The following OPCML variants were observed in gnomAD, a reference collection of about 807,000 sequenced individuals.
The protein encoded by OPCML is opioid binding protein/cell adhesion molecule like, also known as opioid-binding protein/cell adhesion molecule.
In OPCML, 13 loss-of-function variants were observed where a neutral mutation model predicts 37.8. The ratio of observed to expected loss-of-function variants is 0.34; its 90% CI spans 0.22 to 0.55. OPCML has a LOEUF of 0.55. Ranked by LOEUF, OPCML falls within the 20% of genes least tolerant of loss-of-function variation. The pLI is 0.91. For synonymous variants in OPCML, 176 were observed against 168.8 expected (o/e 1.04, Z -0.33); for missense variants, 341 against 435.6 (o/e 0.78, Z 1.93).
chr11:133,051,444 C>G (rs1948129971), intron 1 of OPCML, among the ~76,000 whole-genome samples: 1 of 152,144 alleles, frequency 6.6e-6, no homozygotes, highest in South Asian at 2.1e-4. Context: ...CATTAAAGCA[C>G]CCCTTCCTGT....
chr11:133,059,603 A>G (rs1449912249), intron 1 of OPCML, among the ~76,000 whole-genome samples: 1 of 152,236 alleles, frequency 6.6e-6, no homozygotes, highest in African/African-American at 2.4e-5. Flanking sequence ...TGATTTTATT[A>G]CATTTCAAAT....
At chr11:132,744,891 C>T (rs562638390) in intron 2 of OPCML, among the ~76,000 whole-genome samples, 33 of 152,316 alleles carry the variant, frequency 2.2e-4, no homozygotes, top group African/African-American at 7.2e-4. Flanking sequence ...CGAGCAAGCT[C>T]GAGGAAGTGA....
At chr11:132,517,497 G>A (rs572576863) in intron 4 of OPCML, among the ~76,000 whole-genome samples, 4 of 152,168 alleles carry the variant, frequency 2.6e-5, no homozygotes, top group Non-Finnish European at 5.9e-5. Context: ...CAGTATGTTA[G>A]TATGGAACCA....
At chr11:133,137,717 T>G (rs748411195) in intron 1 of OPCML, among the ~76,000 whole-genome samples, 3 of 152,214 alleles carry the variant, frequency 2.0e-5, no homozygotes, top group Non-Finnish European at 4.4e-5. Flanking sequence ...TTTTATGTCC[T>G]TCCTGGGAAA....
intron 1 of OPCML, among the ~76,000 whole-genome samples, chr11:133,143,224 A>G (rs184506852): frequency 1.4e-4 from 22 of 152,320 alleles, no homozygotes; most frequent in African/African-American, 4.6e-4. Flanking sequence ...GACTGGTTAG[A>G]TCTCACTAGG....
At chr11:133,254,121 G>A (rs1941238361) in intron 1 of OPCML, among the ~76,000 whole-genome samples, 1 of 151,668 alleles carries the variant, frequency 6.6e-6, no homozygotes, top group African/African-American at 2.4e-5. Flanking sequence ...AATTCAAAGG[G>A]GCATCAAAAA....
intron 1 of OPCML, among the ~76,000 whole-genome samples, chr11:133,002,780 G>C (rs527293683): frequency 0.14 from 1,015 of 7,194 alleles, 11 homozygotes; most frequent in African/African-American, 0.28. Context: ...GGAAAGAGAG[G>C]GGGGGGTGGG....
At chr11:132,949,516 A>C (rs1228232242) in intron 1 of OPCML, among the ~76,000 whole-genome samples, 1 of 152,178 alleles carries the variant, frequency 6.6e-6, no homozygotes, top group Non-Finnish European at 1.5e-5. Flanking sequence ...GATACTTCCA[A>C]CCAGTATCCT....
At chr11:132,638,472 A>G (rs924949121) in intron 3 of OPCML, among the ~76,000 whole-genome samples, 3 of 152,158 alleles carry the variant, frequency 2.0e-5, no homozygotes, top group African/African-American at 7.2e-5. Context: ...AAACTAATCA[A>G]CGTCCACAAA....
At chr11:133,058,058 G>C (rs1014921981) in intron 1 of OPCML, among the ~76,000 whole-genome samples, 8 of 152,182 alleles carry the variant, frequency 5.3e-5, no homozygotes, top group Admixed American at 2.0e-4. Context: ...TCCAGCTCCT[G>C]GCCAGTACCT....
intron 1 of OPCML, among the ~76,000 whole-genome samples, chr11:133,137,141 G>GA (rs1949704713): frequency 1.3e-5 from 2 of 152,126 alleles, no homozygotes; most frequent in Admixed American, 1.3e-4. Flanking sequence ...GTTCTGGGAA[G>GA]TGGGGGGCAT....
chr11:132,945,816 T>C (rs141356795), intron 1 of OPCML, among the ~76,000 whole-genome samples: 75 of 152,346 alleles, frequency 4.9e-4, no homozygotes, highest in African/African-American at 1.7e-3. Flanking sequence ...GGAGTCTCGC[T>C]CTGTCACCCA....
chr11:133,280,258 G>C (rs1464295503), intron 1 of OPCML, among the ~76,000 whole-genome samples: 1 of 152,166 alleles, frequency 6.6e-6, no homozygotes, highest in Non-Finnish European at 1.5e-5. Context: ...TCTCTCCTTA[G>C]AAAGAGTATG....
At chr11:132,986,966 C>T (rs1051842059) in intron 1 of OPCML, among the ~76,000 whole-genome samples, 116 of 152,188 alleles carry the variant, frequency 7.6e-4, no homozygotes, top group Non-Finnish European at 1.2e-3. Context: ...TGAGATGAGG[C>T]GAACATGAGC....
intron 1 of OPCML, among the ~76,000 whole-genome samples, chr11:133,487,758 G>T (rs1256168314): frequency 6.7e-6 from 1 of 148,726 alleles, no homozygotes; most frequent in East Asian, 2.0e-4. Context: ...TCTCAATATT[G>T]CAGAGATACT....
At chr11:132,597,237 T>C (rs192077730) in intron 3 of OPCML, among the ~76,000 whole-genome samples, 8 of 152,338 alleles carry the variant, frequency 5.3e-5, no homozygotes, top group Non-Finnish European at 7.3e-5. Flanking sequence ...TTAGACTTTA[T>C]TACTACTCCA....
chr11:132,699,692 A>C (rs182033132), intron 2 of OPCML, among the ~76,000 whole-genome samples: 2 of 152,196 alleles, frequency 1.3e-5, no homozygotes, highest in Admixed American at 1.3e-4. Flanking sequence ...GTTAGGAATA[A>C]ATCCCACTTA....
chr11:132,820,508 ATG>A (rs143996955), intron 2 of OPCML, among the ~76,000 whole-genome samples: 5 of 150,696 alleles, frequency 3.3e-5, no homozygotes, highest in Non-Finnish European at 5.9e-5. Flanking sequence ...GTGTGTGTGT[ATG>A]TGTGTGTGTG....
chr11:133,490,749 C>T (rs1947636888), intron 1 of OPCML, among the ~76,000 whole-genome samples: 1 of 152,144 alleles, frequency 6.6e-6, no homozygotes, highest in Non-Finnish European at 1.5e-5. Context: ...TTCCAATATA[C>T]CAGCCATAAT....
Sources: allele counts gnomAD v4.1 joint callset (sites outside exome capture counted in the v4.1 genomes callset), GRCh38; gene constraint gnomAD v4.1.1; transcripts MANE v1.5; gene names NCBI Gene and HGNC (gene_info 2026-07-23, HGNC 2026-07-21).